Variants in OR1J2 observed in about 807,000 individuals in gnomAD.
The protein encoded by OR1J2 is olfactory receptor family 1 subfamily J member 2, also known as olfactory receptor 1J2.
For synonymous variants in OR1J2, 142 were observed against 99.7 expected (o/e 1.42, Z -2.52); for missense variants, 304 against 246.1 (o/e 1.24, Z -1.57).
the OR1J2 span, among the ~76,000 whole-genome samples, chr9:122,536,650 T>C: frequency 6.6e-6 from 1 of 152,200 alleles, no homozygotes; most frequent in South Asian, 2.1e-4. Flanking sequence ...TCTTTTGAGA[T>C]GTAAATATTC....
At chr9:122,526,681 G>A in the OR1J2 span, 2 of 1,614,198 alleles carry the variant, frequency 1.2e-6, no homozygotes, top group East Asian at 4.5e-5. Flanking sequence ...GGGACGATGA[G>A]TACGGTGCCT....
the OR1J2 span, chr9:122,567,674 A>C: frequency 6.2e-7 from 1 of 1,614,082 alleles, no homozygotes; most frequent in Non-Finnish European, 8.5e-7. Flanking sequence ...GGTCCTTGAC[A>C]GCGTAGGTGG....
chr9:122,545,919 G>GA, the OR1J2 span, among the ~76,000 whole-genome samples: 11,044 of 150,120 alleles, frequency 0.074, 477 homozygotes, highest in Non-Finnish European at 0.098. Flanking sequence ...GCAAAAGAAT[G>GA]AAAAAAAAAC....
the OR1J2 span, among the ~76,000 whole-genome samples, chr9:122,461,647 A>C: frequency 6.6e-6 from 1 of 152,028 alleles, no homozygotes; most frequent in Admixed American, 6.6e-5. Flanking sequence ...AGAATTTTTA[A>C]ATTTCCACCT....
the OR1J2 span, among the ~76,000 whole-genome samples, chr9:122,489,434 G>A: frequency 3.3e-5 from 5 of 152,008 alleles, no homozygotes; most frequent in Non-Finnish European, 2.9e-5. Flanking sequence ...CTCCAGAGTC[G>A]GCCACTTGTC....
At chr9:122,566,028 A>G in the OR1J2 span, among the ~76,000 whole-genome samples, 1 of 152,202 alleles carries the variant, frequency 6.6e-6, no homozygotes, top group African/African-American at 2.4e-5. Flanking sequence ...GAAGGAAATC[A>G]TTACAAAGGA....
chr9:122,502,104 C>T, the OR1J2 span, among the ~76,000 whole-genome samples: 2 of 152,152 alleles, frequency 1.3e-5, no homozygotes, highest in African/African-American at 4.8e-5. Context: ...ACAAACTGGG[C>T]TCCAGTGGCC....
the OR1J2 span, among the ~76,000 whole-genome samples, chr9:122,561,793 G>A: frequency 6.6e-6 from 1 of 152,186 alleles, no homozygotes; most frequent in Non-Finnish European, 1.5e-5. Flanking sequence ...GACAACCCCT[G>A]TTGCAGGGTC....
chr9:122,488,928 A>G, the OR1J2 span, among the ~76,000 whole-genome samples: 2 of 152,044 alleles, frequency 1.3e-5, no homozygotes, highest in Non-Finnish European at 2.9e-5. Context: ...ATAGGTATAC[A>G]CATGTCATGG....
At chr9:122,558,090 C>T in the OR1J2 span, among the ~76,000 whole-genome samples, 83 of 151,700 alleles carry the variant, frequency 5.5e-4, no homozygotes, top group African/African-American at 1.8e-3. Context: ...CTTGTGTCTT[C>T]TTTCTTTTAT....
chr9:122,488,224 G>A, the OR1J2 span, among the ~76,000 whole-genome samples: 1 of 152,236 alleles, frequency 6.6e-6, no homozygotes. Context: ...TGCAACCTCT[G>A]CCTCCTGGGT....
At chr9:122,451,150 T>A in the OR1J2 span, among the ~76,000 whole-genome samples, 9 of 138,646 alleles carry the variant, frequency 6.5e-5, no homozygotes, top group Non-Finnish European at 1.1e-4. Context: ...CACTATCACC[T>A]GCATTATTAT....
chr9:122,486,841 A>G, the OR1J2 span, among the ~76,000 whole-genome samples: 1 of 152,246 alleles, frequency 6.6e-6, no homozygotes, highest in African/African-American at 2.4e-5. Context: ...CCAGCAGAGC[A>G]TTGATGGAAA....
chr9:122,496,230 T>C, the OR1J2 span, among the ~76,000 whole-genome samples: 203 of 152,280 alleles, frequency 1.3e-3, 4 homozygotes, highest in East Asian at 0.037. Flanking sequence ...GGATGCAAAC[T>C]TGCCCTAGGG....
In OR1J2 at chr9:122,510,890, T is replaced by C. The variant is rs1404480838; in HGVS notation, c.89T>C (p.Leu30Pro). 8 of 1,611,648 alleles carry C rather than the reference T, an allele frequency of 5.0e-6. No individual in the cohort carries two copies. The highest frequency in any genetic ancestry group is 1.1e-5 in the South Asian group (1 of 91,034). The change falls in exon 1 of 1, where the codon CTG becomes CCG. Residue 30 changes from leucine to proline, a missense_variant. By Grantham distance (98) the Leu-to-Pro change is moderately conservative. Transcript: ENST00000335302. Reference protein sequence around the residue: ...RPEQQAVFFTLFLGMYLTTVL... With the variant: ...RPEQQAVFFTPFLGMYLTTVL... ...GAGCAGCAGGCTGTGTTCTTCACCC[T>C]GTTCCTGGGCATGTACCTGACCACG...
At chr9:122,526,916 G>C in the OR1J2 span, 2 of 1,614,048 alleles carry the variant, frequency 1.2e-6, no homozygotes, top group African/African-American at 1.3e-5. Context: ...AGCAGAGGGG[G>C]TGGCAAATGG....
At chr9:122,529,270 ATTGT>A in the OR1J2 span, among the ~76,000 whole-genome samples, 57,798 of 151,710 alleles carry the variant, frequency 0.38, 11,907 homozygotes, top group East Asian at 0.61. Context: ...GATTCAGCTG[ATTGT>A]TTGTCTCATC....
the OR1J2 span, among the ~76,000 whole-genome samples, chr9:122,492,666 T>A: frequency 6.6e-6 from 1 of 152,140 alleles, no homozygotes. Flanking sequence ...CATTTATTGT[T>A]TTTGACTTCA....
At chr9:122,547,985 G>C in the OR1J2 span, among the ~76,000 whole-genome samples, 1 of 152,038 alleles carries the variant, frequency 6.6e-6, no homozygotes, top group African/African-American at 2.4e-5. Flanking sequence ...TAGCCATTCT[G>C]ACCGGTGCAA....
Sources: allele counts gnomAD v4.1 joint callset (sites outside exome capture counted in the v4.1 genomes callset), GRCh38; gene constraint gnomAD v4.1.1; transcripts MANE v1.5; gene names NCBI Gene and HGNC (gene_info 2026-07-23, HGNC 2026-07-21).